The following KCNH1 variants were observed in gnomAD, a reference collection of about 807,000 sequenced individuals.
The protein encoded by KCNH1 is potassium voltage-gated channel subfamily H member 1.
In KCNH1, 27 loss-of-function variants were observed where a neutral mutation model predicts 69.2. The ratio of observed to expected loss-of-function variants is 0.39; its 90% CI spans 0.29 to 0.54. The LOEUF is 0.54. Among genes scored for constraint, KCNH1 ranks in the 20% least tolerant of loss-of-function variants. The pLI, the probability that KCNH1 is intolerant of heterozygous loss-of-function variation, is 0.68. For missense variants in KCNH1, 798 were observed against 1,261.6 expected (o/e 0.63, Z 5.57); for synonymous variants, 456 against 487.7 (o/e 0.93, Z 0.86).
At chr1:211,119,643 A>T (rs562994617) in intron 1 of KCNH1, among the ~76,000 whole-genome samples, 1 of 152,326 alleles carries the variant, frequency 6.6e-6, no homozygotes, top group South Asian at 2.1e-4. Flanking sequence ...CAAATAAAAC[A>T]TCTAAAATCT....
intron 10 of KCNH1, among the ~76,000 whole-genome samples, chr1:210,688,441 T>C (rs973877981): frequency 1.3e-5 from 2 of 152,190 alleles, no homozygotes; most frequent in African/African-American, 4.8e-5. Context: ...ATCCCCCTGT[T>C]TGTGAAGCCA....
At chr1:210,998,216 C>A (rs1367937393) in intron 6 of KCNH1, among the ~76,000 whole-genome samples, 1 of 152,090 alleles carries the variant, frequency 6.6e-6, no homozygotes, top group Non-Finnish European at 1.5e-5. Context: ...CACAGACTGG[C>A]AAATTGGACA....
chr1:210,897,924 C>A (rs1686905974), intron 7 of KCNH1, among the ~76,000 whole-genome samples: 1 of 152,202 alleles, frequency 6.6e-6, no homozygotes, highest in Non-Finnish European at 1.5e-5. Flanking sequence ...GCTAGGAAGA[C>A]TGTTGAGATG....
rs116069964 is a variant in KCNH1 at position 210,822,058 on chromosome 1, G to T, written c.1463-17892C>A. Among the ~76,000 whole-genome samples the T allele has an allele frequency of 1.1e-3, 160 of 152,116 alleles. 1 individual carries two copies. Among genetic ancestry groups the T allele is most frequent in the Non-Finnish European group, 1.1e-3 (75 of 68,006 alleles). On this transcript the variant is annotated intron_variant, in intron 7 of 10. Transcript: ENST00000271751. The stretch of plus-strand genomic sequence containing the variant: ...AAGCCTCTCCCTTGGGTGGGGAATG[G>T]CACTAGCTCTCAGATGCAATGTCCA...
intron 5 of KCNH1, among the ~76,000 whole-genome samples, chr1:211,045,097 T>C (rs193260217): frequency 0.049 from 6,159 of 126,458 alleles, 238 homozygotes; most frequent in Non-Finnish European, 0.072. Context: ...AAAAAGGGAA[T>C]GAATTAATGG....
At chr1:211,077,277 G>C (rs917402154) in intron 5 of KCNH1, among the ~76,000 whole-genome samples, 1 of 151,734 alleles carries the variant, frequency 6.6e-6, no homozygotes, top group African/African-American at 2.4e-5. Flanking sequence ...GACACTCCTC[G>C]GAACAGCGAC....
At chr1:211,055,491 A>G (rs139832900) in intron 5 of KCNH1, among the ~76,000 whole-genome samples, 99 of 152,332 alleles carry the variant, frequency 6.5e-4, no homozygotes, top group African/African-American at 2.2e-3. Flanking sequence ...CTAGACCACA[A>G]GGACTATAAT....
chr1:210,861,763 T>C, intron 7 of KCNH1: 3 of 773,412 alleles, frequency 3.9e-6, no homozygotes, highest in Non-Finnish European at 7.2e-6. Flanking sequence ...TGACAGAAAA[T>C]GCTGCATTGC....
chr1:210,754,083 T>A lies in KCNH1; in HGVS notation c.2112+21265A>T, dbSNP rs575416701. Among the ~76,000 whole-genome samples, 359 of 149,406 alleles carry A rather than the reference T, an allele frequency of 2.4e-3. 4 individuals carry two copies. Among genetic ancestry groups the A allele is most frequent in the Non-Finnish European group, 4.3e-3 (286 of 67,056 alleles). On this transcript the variant is annotated intron_variant, in intron 10 of 10. Coordinates refer to ENST00000271751, the MANE Select transcript of KCNH1 (RefSeq NM_172362.3). ...GCGCCCGCCACTGCGCCTGGCTAAT[T>A]TTTTTTTTTGTATTTTTAGTAGAGA...
chr1:210,882,736 T>A (rs1172674879), intron 7 of KCNH1, among the ~76,000 whole-genome samples: 2 of 152,134 alleles, frequency 1.3e-5, no homozygotes, highest in Admixed American at 1.3e-4. Context: ...ATCATTTTCT[T>A]TTCAGGCTGA....
intron 7 of KCNH1, among the ~76,000 whole-genome samples, chr1:210,864,983 G>C (rs1438937780): frequency 6.6e-6 from 1 of 152,188 alleles, no homozygotes; most frequent in Admixed American, 6.5e-5. Flanking sequence ...TGGGTTCTAA[G>C]AGCAGGTGTC....
intron 5 of KCNH1, among the ~76,000 whole-genome samples, chr1:211,037,461 G>T (rs1689918142): frequency 6.8e-6 from 1 of 146,944 alleles, no homozygotes; most frequent in African/African-American, 2.5e-5. Context: ...AAACAGGACT[G>T]TACGCTCAAG....
At chr1:211,031,341 A>T (rs551467734) in intron 5 of KCNH1, among the ~76,000 whole-genome samples, 1 of 152,288 alleles carries the variant, frequency 6.6e-6, no homozygotes, top group African/African-American at 2.4e-5. Context: ...CCATTCCTTC[A>T]GAAACTATTC....
intron 7 of KCNH1, among the ~76,000 whole-genome samples, chr1:210,856,801 T>TTATATA (rs1286616243): frequency 9.5e-6 from 1 of 105,420 alleles, no homozygotes; most frequent in African/African-American, 3.9e-5. Context: ...ATATTTATAT[T>TTATATA]TATATATATA....
intron 7 of KCNH1, among the ~76,000 whole-genome samples, chr1:210,889,761 A>G (rs1336314492): frequency 1.3e-5 from 2 of 152,198 alleles, no homozygotes; most frequent in East Asian, 1.9e-4. Context: ...TACACCAATA[A>G]TAGCCAAATC....
chr1:210,714,547 C>T (rs1682173520), intron 10 of KCNH1, among the ~76,000 whole-genome samples: 1 of 152,094 alleles, frequency 6.6e-6, no homozygotes, highest in Non-Finnish European at 1.5e-5. Context: ...TTGTGACATC[C>T]ACACAAGGGG....
chr1:210,931,318 G>A (rs868591437), intron 6 of KCNH1, among the ~76,000 whole-genome samples: 26 of 152,136 alleles, frequency 1.7e-4, no homozygotes, highest in African/African-American at 5.3e-4. Context: ...TATATATACC[G>A]TGGAATACTA....
intron 3 of KCNH1, among the ~76,000 whole-genome samples, chr1:211,092,587 T>C (rs757221888): frequency 4.6e-5 from 7 of 152,198 alleles, no homozygotes; most frequent in Admixed American, 1.3e-4. Flanking sequence ...AATTCTACCA[T>C]ATAAAAATCA....
At chr1:211,027,043 T>TA (rs1449083000) in intron 5 of KCNH1, among the ~76,000 whole-genome samples, 1 of 152,012 alleles carries the variant, frequency 6.6e-6, no homozygotes, top group Non-Finnish European at 1.5e-5. Flanking sequence ...AAACTTTCAA[T>TA]AAAAAATTCA....
Sources: allele counts gnomAD v4.1 joint callset (sites outside exome capture counted in the v4.1 genomes callset), GRCh38; gene constraint gnomAD v4.1.1; transcripts MANE v1.5; gene names NCBI Gene and HGNC (gene_info 2026-07-23, HGNC 2026-07-21).